The following WIPF1 variants were observed in gnomAD, a reference collection of about 807,000 sequenced individuals.
The protein encoded by WIPF1 is WAS/WASL-interacting protein family member 1.
Under a neutral mutation model 35.4 loss-of-function variants are expected in WIPF1, and 13 were observed. The observed-to-expected ratio is 0.37, with a 90% CI of 0.24 to 0.58. The LOEUF (loss-of-function observed/expected upper bound fraction) is 0.58. Among genes scored for constraint, WIPF1 ranks in the 20% least tolerant of loss-of-function variants. The pLI, the probability that WIPF1 is intolerant of heterozygous loss-of-function variation, is 0.74. For missense variants in WIPF1, 591 were observed against 667.0 expected, an observed-to-expected ratio of 0.89 and a Z score of 1.25; for synonymous variants, 267 against 266.3, an observed-to-expected ratio of 1.00 and a Z score of -0.02.
intron 1 of WIPF1, among the ~76,000 whole-genome samples, chr2:174,603,818 C>T (rs940882556): frequency 1.3e-5 from 2 of 152,118 alleles, no homozygotes; most frequent in East Asian, 3.9e-4. Context: ...GGGAGGGACC[C>T]GATCATAATC....
At chr2:174,586,473 G>A (rs944529115) in intron 1 of WIPF1, among the ~76,000 whole-genome samples, 2 of 152,152 alleles carry the variant, frequency 1.3e-5, no homozygotes, top group African/African-American at 4.8e-5. Context: ...AGATTCCGTA[G>A]CTGGGTAGGA....
chr2:174,612,556 C>A (rs930411921), intron 1 of WIPF1, among the ~76,000 whole-genome samples: 5 of 142,504 alleles, frequency 3.5e-5, no homozygotes, highest in Admixed American at 7.3e-5. Context: ...TTTTAGAGTA[C>A]AATCACTAGA....
chr2:174,592,037 G>T (rs1158876316), intron 1 of WIPF1, among the ~76,000 whole-genome samples: 1 of 152,132 alleles, frequency 6.6e-6, no homozygotes, highest in East Asian at 1.9e-4. Flanking sequence ...GGAAACTCAG[G>T]GTTTCTTCTT....
chr2:174,634,482 C>T (rs775953080), intron 1 of WIPF1: 6 of 152,202 alleles, frequency 3.9e-5, no homozygotes, highest in Non-Finnish European at 7.3e-5. Flanking sequence ...TTTAGAGTGG[C>T]TACGAAAAGT....
chr2:174,623,284 G>A (rs1263155449), intron 1 of WIPF1, among the ~76,000 whole-genome samples: 1 of 152,222 alleles, frequency 6.6e-6, no homozygotes, highest in Non-Finnish European at 1.5e-5. Context: ...TTTGGGCACA[G>A]CTTGGCTGGG....
At chr2:174,580,242 C>T (rs950467238) in intron 3 of WIPF1, among the ~76,000 whole-genome samples, 1 of 152,182 alleles carries the variant, frequency 6.6e-6, no homozygotes, top group South Asian at 2.1e-4. Flanking sequence ...CGAGCCACTG[C>T]GCCCGGCCAT....
At chr2:174,642,290 T>C (rs1312223788) in intron 1 of WIPF1, among the ~76,000 whole-genome samples, 1 of 151,940 alleles carries the variant, frequency 6.6e-6, no homozygotes, top group Non-Finnish European at 1.5e-5. Context: ...ATTTTTATGT[T>C]ATTTTAAATT....
chr2:174,566,524 C>A (rs527644120), intron 7 of WIPF1: 28 of 152,124 alleles, frequency 1.8e-4, no homozygotes, highest in African/African-American at 6.5e-4. Flanking sequence ...AACTGTACAT[C>A]GTCATTATAA....
chr2:174,666,970 T>C (rs1258617180), intron 1 of WIPF1, among the ~76,000 whole-genome samples: 1 of 152,216 alleles, frequency 6.6e-6, no homozygotes. Flanking sequence ...CAATGTCCCA[T>C]GGATTTGAGG....
intron 1 of WIPF1, among the ~76,000 whole-genome samples, chr2:174,682,087 A>C (rs2106002112): frequency 6.6e-6 from 1 of 152,378 alleles, no homozygotes; most frequent in African/African-American, 2.4e-5. Context: ...GCGAGACTGA[A>C]GTGAAGCTGT....
At chr2:174,657,765 C>T (rs1377166290) in intron 1 of WIPF1, among the ~76,000 whole-genome samples, 1 of 152,026 alleles carries the variant, frequency 6.6e-6, no homozygotes, top group Non-Finnish European at 1.5e-5. Context: ...AAAAAATTAG[C>T]TGGGCGTGGT....
intron 1 of WIPF1, among the ~76,000 whole-genome samples, chr2:174,657,910 C>CAAAA (rs56717056): frequency 3.1e-5 from 3 of 96,046 alleles, no homozygotes; most frequent in Non-Finnish European, 5.9e-5. Flanking sequence ...AACTCTGTCT[C>CAAAA]AAAAAAAAAA....
chr2:174,595,109 A>AAAAAAAAAAATATAT (rs1553529785), intron 1 of WIPF1, among the ~76,000 whole-genome samples: 9 of 57,750 alleles, frequency 1.6e-4, no homozygotes, highest in Admixed American at 5.6e-4. Context: ...AAAAAAAAAA[A>AAAAAAAAAAATATAT]ATATATATAT....
intron 1 of WIPF1, chr2:174,665,632 TTTC>T (rs1483055803): frequency 2.0e-5 from 3 of 152,242 alleles, no homozygotes; most frequent in Non-Finnish European, 2.9e-5. Flanking sequence ...CAACCGGCTT[TTTC>T]TTCTTAATAG....
intron 1 of WIPF1, among the ~76,000 whole-genome samples, chr2:174,640,311 G>A (rs2105946395): frequency 7.9e-6 from 1 of 126,126 alleles, no homozygotes; most frequent in African/African-American, 3.0e-5. Flanking sequence ...AGAACACATG[G>A]ACACAGGAAG....
rs200073592 is a variant in WIPF1, at chr2:174,606,827, G to GA, written c.-38-21217dup. Among the ~76,000 whole-genome samples the GA allele has an allele frequency of 7.7e-3, 1,175 of 152,276 alleles. 8 individuals are homozygous for GA. Among genetic ancestry groups the GA allele is most frequent in the Admixed American group, 0.012 (178 of 15,298 alleles). ...AAAGAAGTTTTAAATTAAGGGCTCA[G>GA]AAAAAATACATTGCCTTAGTCTGTT... On this transcript the variant is annotated intron_variant, in intron 1 of 8. Coordinates refer to the WIPF1 transcript ENST00000272746.
At chr2:174,563,010 C>G (rs978713699) in intron 7 of WIPF1, among the ~76,000 whole-genome samples, 8 of 152,172 alleles carry the variant, frequency 5.3e-5, no homozygotes, top group Non-Finnish European at 5.9e-5. Context: ...ATCATATAGT[C>G]AGTTTGAACA....
At chr2:174,569,850 A>G (rs1247955838) in intron 5 of WIPF1, among the ~76,000 whole-genome samples, 1 of 152,074 alleles carries the variant, frequency 6.6e-6, no homozygotes, top group South Asian at 2.1e-4. Flanking sequence ...TCCAAGGCCC[A>G]CTCCCCATAA....
intron 4 of WIPF1, among the ~76,000 whole-genome samples, chr2:174,572,756 T>C (rs1684917725): frequency 6.6e-6 from 1 of 152,198 alleles, no homozygotes; most frequent in Non-Finnish European, 1.5e-5. Context: ...AGATGCCTAT[T>C]CATTATGAGA....
Sources: allele counts gnomAD v4.1 joint callset (sites outside exome capture counted in the v4.1 genomes callset), GRCh38; gene constraint gnomAD v4.1.1; transcripts MANE v1.5; gene names NCBI Gene and HGNC (gene_info 2026-07-23, HGNC 2026-07-21).